The following FCHO2 variants were observed in gnomAD, a reference collection of about 807,000 sequenced individuals.
FCHO2 encodes the protein FCH and mu domain containing endocytic adaptor 2.
Under a neutral mutation model 114.1 loss-of-function variants are expected in FCHO2, and 43 were observed. That is an observed-to-expected ratio of 0.38 (90% CI 0.30 to 0.49). The LOEUF (loss-of-function observed/expected upper bound fraction) is 0.49, where lower values mean the gene tolerates loss of function less well. Ranked by LOEUF, FCHO2 falls within the 20% of genes least tolerant of loss-of-function variation. The probability of loss-of-function intolerance (pLI) is 0.97; values close to 1 mark genes in which losing one functional copy is unlikely to be tolerated. For synonymous variants in FCHO2, 293 were observed against 315.2 expected, an observed-to-expected ratio of 0.93 and a Z score of 0.75; for missense variants, 807 against 950.4, an observed-to-expected ratio of 0.85 and a Z score of 1.98.
At chr5:73,087,791 G>A (rs1005824156) in intron 25 of FCHO2, 38 bp downstream of exon 25, 1 of 1,531,980 alleles carries the variant, frequency 6.5e-7, no homozygotes, top group Non-Finnish European at 8.7e-7. Context: ...ATGTACATGG[G>A]AAACATTTGT....
At chr5:73,004,381 C>CA (rs933918571) in intron 5 of FCHO2, among the ~76,000 whole-genome samples, 12 of 151,656 alleles carry the variant, frequency 7.9e-5, no homozygotes, top group African/African-American at 2.9e-4. Context: ...AAGAGTAAAA[C>CA]AAAAAAAATC....
chr5:73,087,681 C>T lies in FCHO2; in HGVS notation c.2338C>T (p.Leu780Phe). ...ACAATTCCTCAGCGAGGGAAGTACCCTTTCAGGAGTAGATTTCGAACTTGT... is the reference window on the plus strand; with the variant it reads ...ACAATTCCTCAGCGAGGGAAGTACCTTTTCAGGAGTAGATTTCGAACTTGT... ...AVQFLSEGST[L>F]SGVDFELVGT... The change falls in exon 25 of 26, where the codon CTT becomes TTT. Residue 780 changes from leucine to phenylalanine, a missense_variant. Physicochemically the swap from Leu to Phe is conservative, Grantham distance 22 (BLOSUM62 0). Coordinates refer to ENST00000430046, the MANE Select transcript of FCHO2 (RefSeq NM_138782.3). The T allele has an allele frequency of 1.2e-6, 2 of 1,613,646 alleles. No individual in the cohort carries two copies. Among genetic ancestry groups the T allele is most frequent in the South Asian group, 2.2e-5 (2 of 90,974 alleles).
chr5:73,078,867 A>G (rs914651184), intron 22 of FCHO2, among the ~76,000 whole-genome samples: 6 of 152,230 alleles, frequency 3.9e-5, no homozygotes, highest in African/African-American at 1.4e-4. Flanking sequence ...ACCAATTACA[A>G]AAACTAGTGG....
chr5:73,069,827 T>C (rs754645378), intron 19 of FCHO2, among the ~76,000 whole-genome samples: 5 of 152,104 alleles, frequency 3.3e-5, no homozygotes, highest in Admixed American at 6.6e-5. Context: ...CTCAGTTTTT[T>C]CTACAAATTC....
At chr5:73,041,779 G>T (rs908883102) in intron 11 of FCHO2, among the ~76,000 whole-genome samples, 1 of 151,962 alleles carries the variant, frequency 6.6e-6, no homozygotes, top group Admixed American at 6.6e-5. Context: ...TTTTAAAGAA[G>T]GGTTGCTTAT....
At chr5:73,042,408 G>A (rs1457347709) in intron 11 of FCHO2, among the ~76,000 whole-genome samples, 1 of 152,082 alleles carries the variant, frequency 6.6e-6, no homozygotes, top group African/African-American at 2.4e-5. Context: ...AATTGATGAT[G>A]TAAAATTAAA....
Position 73,032,010 on chromosome 5 carries a change from G to C in FCHO2, c.797-2647G>C, listed in dbSNP as rs187064188. On this transcript the variant is annotated intron_variant, in intron 8 of 25. Transcript: ENST00000430046. ...TAACTTGTCTTATGATTAAATAGCAGAATGATGGGCAGTGGACTGCATTTG... is the reference window on the plus strand; with the variant it reads ...TAACTTGTCTTATGATTAAATAGCACAATGATGGGCAGTGGACTGCATTTG... Among the ~76,000 whole-genome samples the C allele has an allele frequency of 1.6e-3, 249 of 152,356 alleles. 2 individuals carry two copies. Among genetic ancestry groups the C allele is most frequent in the Middle Eastern group, 3.4e-3 (1 of 294 alleles).
intron 8 of FCHO2, among the ~76,000 whole-genome samples, chr5:73,019,194 A>G (rs985328597): frequency 1.3e-5 from 2 of 152,200 alleles, no homozygotes; most frequent in African/African-American, 4.8e-5. Flanking sequence ...TGCTTTGGAC[A>G]TGTATTAGGA....
intron 20 of FCHO2, among the ~76,000 whole-genome samples, 152 bp downstream of exon 20, chr5:73,075,005 G>C (rs933414556): frequency 2.0e-5 from 3 of 152,022 alleles, no homozygotes; most frequent in African/African-American, 7.2e-5. Flanking sequence ...TGCTATCTAA[G>C]GTAGTCATTT....
At chr5:73,032,380 GT>G (rs1310797735) in intron 8 of FCHO2, among the ~76,000 whole-genome samples, 1 of 151,760 alleles carries the variant, frequency 6.6e-6, no homozygotes, top group East Asian at 1.9e-4. Flanking sequence ...TTCAAAATGT[GT>G]TTTTTTTGGA....
intron 1 of FCHO2, among the ~76,000 whole-genome samples, chr5:72,959,972 A>T (rs1362401682): frequency 6.6e-6 from 1 of 151,994 alleles, no homozygotes; most frequent in African/African-American, 2.4e-5. Context: ...TGGAGATGAG[A>T]TCTCGCTATG....
chr5:73,050,155 G>A (rs1001625765), intron 11 of FCHO2, among the ~76,000 whole-genome samples: 24 of 151,916 alleles, frequency 1.6e-4, no homozygotes, highest in African/African-American at 5.1e-4. Context: ...TTACTCCTTA[G>A]TATTTTGAAA....
chr5:72,996,810 A>C, intron 5 of FCHO2: 2 of 719,416 alleles, frequency 2.8e-6, no homozygotes, highest in Non-Finnish European at 4.7e-6. Context: ...CTCTCCTGCC[A>C]CTTAGGGCTG....
At chr5:73,071,192 GA>G (rs1742630865) in intron 19 of FCHO2, among the ~76,000 whole-genome samples, 1 of 151,838 alleles carries the variant, frequency 6.6e-6, no homozygotes, top group Non-Finnish European at 1.5e-5. Flanking sequence ...ATAAAAACAC[GA>G]TATTTTTGCA....
intron 1 of FCHO2, among the ~76,000 whole-genome samples, chr5:72,961,465 A>G (rs1751858680): frequency 6.6e-6 from 1 of 152,204 alleles, no homozygotes; most frequent in Non-Finnish European, 1.5e-5. Flanking sequence ...ATATCTGTAT[A>G]TATTTACTTT....
At chr5:73,012,343 C>A (rs1378239716) in intron 6 of FCHO2, among the ~76,000 whole-genome samples, 5 of 151,976 alleles carry the variant, frequency 3.3e-5, no homozygotes, top group Non-Finnish European at 5.9e-5. Flanking sequence ...ATGTAACAGG[C>A]TGGGTTTGGT....
At chr5:72,970,807 G>A (rs1294250994) in intron 2 of FCHO2, among the ~76,000 whole-genome samples, 12 of 151,814 alleles carry the variant, frequency 7.9e-5, no homozygotes, top group Non-Finnish European at 1.6e-4. Flanking sequence ...CCACTAACTC[G>A]TCATCTAGCA....
chr5:72,988,470 G>T (rs1426398271), intron 2 of FCHO2, among the ~76,000 whole-genome samples: 1 of 152,094 alleles, frequency 6.6e-6, no homozygotes. Context: ...TGTGTATTCT[G>T]TATTTATAGG....
intron 5 of FCHO2, among the ~76,000 whole-genome samples, chr5:73,004,989 T>G (rs886275108): frequency 6.6e-6 from 1 of 152,144 alleles, no homozygotes; most frequent in African/African-American, 2.4e-5. Context: ...GTATTCCCCA[T>G]GGATAAAGGG....
Sources: gnomAD v4.1 joint callset for allele counts (sites outside exome capture counted in the v4.1 genomes callset) on GRCh38, gnomAD v4.1.1 for gene constraint, MANE v1.5 for transcripts, NCBI Gene and HGNC (gene_info 2026-07-23, HGNC 2026-07-21) for gene names.